Variants in MAGI2 observed in about 807,000 individuals in gnomAD.
The protein encoded by MAGI2 is membrane associated guanylate kinase, WW and PDZ domain containing 2.
MAGI2 carries 35 observed loss-of-function variants against 133.3 expected under a neutral mutation model. That is an observed-to-expected ratio of 0.26 (90% confidence interval 0.20 to 0.35). The LOEUF (loss-of-function observed/expected upper bound fraction) is 0.35, where lower values mean the gene tolerates loss of function less well. Among genes scored for constraint, MAGI2 ranks in the 10% least tolerant of loss-of-function variants. MAGI2 has a pLI of 1.00. For missense variants in MAGI2, 1,636 were observed against 1,863.4 expected, an observed-to-expected ratio of 0.88 and a Z score of 2.25; for synonymous variants, 729 against 710.6, an observed-to-expected ratio of 1.03 and a Z score of -0.41.
intron 6 of MAGI2, among the ~76,000 whole-genome samples, chr7:78,446,092 G>T (rs1369107302): frequency 6.0e-5 from 4 of 66,310 alleles, no homozygotes; most frequent in Non-Finnish European, 1.3e-4. Flanking sequence ...ACTTTTTAAA[G>T]ATTTTTTTTT....
intron 2 of MAGI2, among the ~76,000 whole-genome samples, chr7:78,761,907 A>T (rs1005642180): frequency 6.6e-6 from 1 of 152,082 alleles, no homozygotes. Context: ...CCTCATTGCA[A>T]TAGTGGCTGG....
chr7:78,456,475 C>G (rs1789334585), intron 6 of MAGI2, among the ~76,000 whole-genome samples: 1 of 152,124 alleles, frequency 6.6e-6, no homozygotes, highest in African/African-American at 2.4e-5. Flanking sequence ...TGAGCACATA[C>G]TCTAGGCTAA....
intron 1 of MAGI2, among the ~76,000 whole-genome samples, chr7:79,253,325 G>C (rs747859304): frequency 2.6e-5 from 4 of 151,932 alleles, no homozygotes; most frequent in Non-Finnish European, 5.9e-5. Context: ...AATTGCTTTA[G>C]CACACTGTCA....
At chr7:79,330,958 C>G (rs953592103) in intron 1 of MAGI2, among the ~76,000 whole-genome samples, 1 of 152,060 alleles carries the variant, frequency 6.6e-6, no homozygotes, top group African/African-American at 2.4e-5. Flanking sequence ...CGACAATTTA[C>G]TCTGGGGTGA....
At position 79,028,356 on chromosome 7, in the gene MAGI2, T is replaced by C. The variant is rs113751202; in HGVS notation, c.302-21150A>G. On this transcript the variant is annotated intron_variant, in intron 1 of 21. Transcript: ENST00000354212. Reference sequence around the variant, plus strand: ...ATATATACACACACACACACACACATACACACACACACACATGCATACGCA... The same window carrying C: ...ATATATACACACACACACACACACACACACACACACACACATGCATACGCA... Among the ~76,000 whole-genome samples the C allele has an allele frequency of 2.9e-3, 349 of 119,404 alleles. 3 individuals are homozygous for C. The highest frequency in any genetic ancestry group is 6.1e-3 in the African/African-American group (190 of 31,318). The allele number at this position is 119,404 out of a possible 152,430, so 78.3% of individuals were successfully genotyped here. A position where few individuals can be genotyped will look rare whatever the true frequency, so the allele number is the denominator to read the frequency against.
intron 6 of MAGI2, among the ~76,000 whole-genome samples, chr7:78,436,346 C>T (rs1800286777): frequency 6.6e-6 from 1 of 152,082 alleles, no homozygotes; most frequent in African/African-American, 2.4e-5. Flanking sequence ...CAGGGTGAGG[C>T]TGCCAAATCA....
At chr7:78,085,488 A>C (rs1194013592) in intron 20 of MAGI2, among the ~76,000 whole-genome samples, 1 of 151,716 alleles carries the variant, frequency 6.6e-6, no homozygotes, top group Non-Finnish European at 1.5e-5. Flanking sequence ...GCACCTCTGT[A>C]TTCCAGCCTG....
chr7:79,177,345 T>C (rs1007245363), intron 1 of MAGI2: 2 of 152,018 alleles, frequency 1.3e-5, no homozygotes, highest in Non-Finnish European at 2.9e-5. Context: ...AAAAAAGAAT[T>C]AGTAATTTTT....
chr7:78,204,317 C>T (rs1046221328), intron 10 of MAGI2, among the ~76,000 whole-genome samples: 3 of 152,280 alleles, frequency 2.0e-5, no homozygotes, highest in East Asian at 1.9e-4. Context: ...CCTCGCTTGG[C>T]GTCCTAGCCT....
intron 9 of MAGI2, among the ~76,000 whole-genome samples, chr7:78,274,193 T>C (rs1212103201): frequency 3.9e-5 from 6 of 152,196 alleles, no homozygotes; most frequent in Non-Finnish European, 8.8e-5. Flanking sequence ...ACAGTCAGGA[T>C]CCTCTGCTGC....
At chr7:78,997,471 G>A (rs1168981592) in intron 2 of MAGI2, among the ~76,000 whole-genome samples, 1 of 151,922 alleles carries the variant, frequency 6.6e-6, no homozygotes. Flanking sequence ...GCATGGTGGT[G>A]GTCGCCTGTA....
chr7:78,653,748 A>G (rs1215161206), intron 2 of MAGI2, among the ~76,000 whole-genome samples: 1 of 148,472 alleles, frequency 6.7e-6, no homozygotes, highest in African/African-American at 2.5e-5. Context: ...CATGTTCTGC[A>G]CCTGTATCTC....
intron 2 of MAGI2, among the ~76,000 whole-genome samples, chr7:78,926,492 G>C (rs1432313143): frequency 1.3e-5 from 2 of 151,924 alleles, no homozygotes; most frequent in African/African-American, 2.4e-5. Flanking sequence ...CAGTCTCCCA[G>C]TTGCCCTATG....
chr7:78,134,779 A>G, intron 17 of MAGI2: 5 of 413,464 alleles, frequency 1.2e-5, no homozygotes, highest in East Asian at 4.0e-5. Flanking sequence ...AATTCACACT[A>G]TTTAGCCTGC....
intron 2 of MAGI2, among the ~76,000 whole-genome samples, chr7:78,892,324 A>G (rs964097177): frequency 6.6e-6 from 1 of 152,192 alleles, no homozygotes; most frequent in South Asian, 2.1e-4. Context: ...TTACAGATTC[A>G]ATGCCATCCC....
chr7:79,218,716 C>T (rs1007266577), intron 1 of MAGI2, among the ~76,000 whole-genome samples: 2 of 152,036 alleles, frequency 1.3e-5, no homozygotes, highest in Admixed American at 6.5e-5. Flanking sequence ...ACTGAAAACC[C>T]TTTCTTGAAT....
chr7:78,442,368 A>G (rs1787716714), intron 6 of MAGI2, among the ~76,000 whole-genome samples: 2 of 152,220 alleles, frequency 1.3e-5, no homozygotes, highest in Admixed American at 6.5e-5. Context: ...GTGTGTACAC[A>G]TGGAAAGAAT....
chr7:78,620,059 G>C (rs1807565592), intron 3 of MAGI2, among the ~76,000 whole-genome samples: 1 of 151,882 alleles, frequency 6.6e-6, no homozygotes, highest in Non-Finnish European at 1.5e-5. Context: ...TACTTACACA[G>C]TAAAAATTTC....
At chr7:78,093,649 T>A (rs1015085078) in intron 20 of MAGI2, among the ~76,000 whole-genome samples, 1 of 152,248 alleles carries the variant, frequency 6.6e-6, no homozygotes, top group South Asian at 2.1e-4. Context: ...AAGAGTTTCA[T>A]AATTGGTTTG....
Sources: gnomAD v4.1 joint callset for allele counts (sites outside exome capture counted in the v4.1 genomes callset) on GRCh38, gnomAD v4.1.1 for gene constraint, MANE v1.5 for transcripts, NCBI Gene and HGNC (gene_info 2026-07-23, HGNC 2026-07-21) for gene names.